The following MCC variants were observed in gnomAD, a reference collection of about 807,000 sequenced individuals.
MCC encodes the protein colorectal mutant cancer protein.
In MCC, 90 loss-of-function variants were observed where a neutral mutation model predicts 116.2. That is an observed-to-expected ratio of 0.77 (90% CI 0.65 to 0.92). The LOEUF is 0.92. MCC is among the 40% of genes least tolerant of loss of function. The pLI is 0.00. For synonymous variants in MCC, 578 were observed against 510.5 expected (o/e 1.13, Z -1.78); for missense variants, 1,516 against 1,312.2 (o/e 1.16, Z -2.40).
At position 113,105,414 on chromosome 5, in the gene MCC, A is replaced by G. The variant is rs761689802; in HGVS notation, c.1028-1059T>C. 9.8e-5 allele frequency among the ~76,000 whole-genome samples: 15 copies of G among 152,324 alleles called. No individual in the cohort carries two copies. The Middle Eastern group carries it at 0.014, about 138-fold the overall frequency. ...TTCTCAGAATGTTTTAGTCAACCTC[A>G]TCTGGTTGCCTCTATTTGTAAATTA... is the stretch of plus-strand genomic sequence containing the variant. On this transcript the variant is annotated intron_variant, in intron 6 of 18. Coordinates refer to ENST00000408903, the MANE Select transcript of MCC (RefSeq NM_001085377.2).
chr5:113,196,054 G>C (rs569722231), intron 3 of MCC, among the ~76,000 whole-genome samples: 2 of 152,344 alleles, frequency 1.3e-5, no homozygotes, highest in Non-Finnish European at 2.9e-5. Flanking sequence ...GGCAGCAGTA[G>C]ACTTCATTCT....
At chr5:113,473,611 T>C (rs1772154299) in intron 1 of MCC, among the ~76,000 whole-genome samples, 1 of 152,158 alleles carries the variant, frequency 6.6e-6, no homozygotes, top group Non-Finnish European at 1.5e-5. Context: ...ACAACTATAA[T>C]ACAAAATTAT....
intron 1 of MCC, among the ~76,000 whole-genome samples, chr5:113,420,453 C>T (rs1032019142): frequency 3.9e-5 from 6 of 152,116 alleles, no homozygotes; most frequent in Non-Finnish European, 5.9e-5. Flanking sequence ...TTTTAGTTTA[C>T]TTCAAGGGAT....
chr5:113,046,710 A>AAAAAAAAAAAAAAAG lies in MCC; in HGVS notation c.2655+2382_2655+2383insCTTTTTTTTTTTTTT. On this transcript the variant is annotated intron_variant, in intron 16 of 18. Coordinates refer to ENST00000408903, the MANE Select transcript of MCC (RefSeq NM_001085377.2). Reference sequence around the variant, plus strand: ...CAAAAAAAAAAAAAAAAAAAAAAAAAAGAGAGAGATTTTGAAGGTGTTTGT... The same window carrying AAAAAAAAAAAAAAAG: ...CAAAAAAAAAAAAAAAAAAAAAAAAAAAAAAAAAAAAAAAGAGAGAGAGATTTTGAAGGTGTTTGT... Among the ~76,000 whole-genome samples the AAAAAAAAAAAAAAAG allele has an allele frequency of 8.3e-3, 845 of 102,422 alleles. 152 individuals are homozygous for AAAAAAAAAAAAAAAG. Among genetic ancestry groups the AAAAAAAAAAAAAAAG allele is most frequent in the Non-Finnish European group, 0.011 (549 of 51,326 alleles). The allele number at this position is 102,422 out of a possible 152,430, so 67.2% of individuals were successfully genotyped here. A position where few individuals can be genotyped will look rare whatever the true frequency, so the allele number is the denominator to read the frequency against.
At chr5:113,183,007 G>T (rs1761709568) in intron 3 of MCC, among the ~76,000 whole-genome samples, 1 of 152,206 alleles carries the variant, frequency 6.6e-6, no homozygotes, top group South Asian at 2.1e-4. Context: ...CTAAGTTTGG[G>T]AGAAGGATTT....
chr5:113,062,789 C>T (rs1399268675), intron 14 of MCC, among the ~76,000 whole-genome samples: 2 of 152,208 alleles, frequency 1.3e-5, no homozygotes, highest in African/African-American at 4.8e-5. Flanking sequence ...GGCATGTTCC[C>T]TCTCCTGGGA....
At chr5:113,332,941 C>T (rs1481157919) in intron 3 of MCC, among the ~76,000 whole-genome samples, 1 of 151,646 alleles carries the variant, frequency 6.6e-6, no homozygotes, top group Non-Finnish European at 1.5e-5. Context: ...TCTGAAAACT[C>T]TTCTTAAGAA....
At chr5:113,074,248 T>C (rs955623701) in intron 11 of MCC, among the ~76,000 whole-genome samples, 12 of 152,356 alleles carry the variant, frequency 7.9e-5, no homozygotes, top group African/African-American at 2.4e-4. Flanking sequence ...CAGCCTCCGC[T>C]GGTGATACCC....
At chr5:113,281,570 T>C (rs1766048905) in intron 3 of MCC, among the ~76,000 whole-genome samples, 2 of 152,132 alleles carry the variant, frequency 1.3e-5, no homozygotes, top group Admixed American at 6.6e-5. Flanking sequence ...GGGACAAAAT[T>C]AGGGCAAAAG....
intron 2 of MCC, among the ~76,000 whole-genome samples, chr5:113,357,610 G>A (rs922989244): frequency 6.6e-6 from 1 of 152,206 alleles, no homozygotes; most frequent in Non-Finnish European, 1.5e-5. Flanking sequence ...GCAGCTTCCC[G>A]ATAAGATCTC....
intron 3 of MCC, among the ~76,000 whole-genome samples, chr5:113,198,782 G>A (rs1762547409): frequency 6.6e-6 from 1 of 151,956 alleles, no homozygotes; most frequent in Non-Finnish European, 1.5e-5. Context: ...CAAACAGCTG[G>A]CACAAGATTC....
At chr5:113,119,543 G>A (rs577928301) in intron 6 of MCC, among the ~76,000 whole-genome samples, 3 of 152,312 alleles carry the variant, frequency 2.0e-5, no homozygotes, top group East Asian at 1.9e-4. Context: ...CCAAGGAGGC[G>A]GCCAGAAGCA....
chr5:113,064,031 G>C lies in MCC; in HGVS notation c.2166C>G (p.Gly722=). Reference sequence around the variant, plus strand: ...GGCTCTCCCAGGGCTGCACGCTGCAGCCGGCCACGGCAAAGGCTCCCCCAC... The same window carrying C: ...GGCTCTCCCAGGGCTGCACGCTGCACCCGGCCACGGCAAAGGCTCCCCCAC... ...GSCGGAFAVA[G]CSVQPWESLS... Residue 722 remains glycine (G), a synonymous_variant, in exon 14 of 19, where the codon GGC becomes GGG. Coordinates refer to ENST00000408903, the MANE Select transcript of MCC (RefSeq NM_001085377.2). The C allele has an allele frequency of 6.2e-6, 10 of 1,614,030 alleles. No homozygotes were observed. Among genetic ancestry groups the C allele is most frequent in the Non-Finnish European group, 8.5e-6 (10 of 1,180,012 alleles).
At chr5:113,251,616 C>T (rs934013671) in intron 3 of MCC, among the ~76,000 whole-genome samples, 2 of 152,172 alleles carry the variant, frequency 1.3e-5, no homozygotes, top group African/African-American at 4.8e-5. Context: ...TACCCCATTA[C>T]CACAGTGAGG....
intron 11 of MCC, among the ~76,000 whole-genome samples, chr5:113,074,759 G>A (rs990825349): frequency 6.6e-6 from 1 of 152,242 alleles, no homozygotes; most frequent in African/African-American, 2.4e-5. Flanking sequence ...TTCAGTAGCT[G>A]ATTTGATCAA....
chr5:113,397,620 A>G (rs1769560004), intron 1 of MCC, among the ~76,000 whole-genome samples: 1 of 152,210 alleles, frequency 6.6e-6, no homozygotes, highest in Non-Finnish European at 1.5e-5. Context: ...TGATGCTGAG[A>G]TAAGTGGCTA....
At chr5:113,294,416 C>A (rs777915663) in intron 3 of MCC, 1 of 1,613,502 alleles carries the variant, frequency 6.2e-7, no homozygotes, top group Admixed American at 1.7e-5. Context: ...GCTCTCAGTC[C>A]CCCAGGTCTC....
At chr5:113,240,105 G>A (rs1764309619) in intron 3 of MCC, among the ~76,000 whole-genome samples, 1 of 152,160 alleles carries the variant, frequency 6.6e-6, no homozygotes, top group Non-Finnish European at 1.5e-5. Context: ...GGAATGGAGG[G>A]TGGTAGAAAG....
chr5:113,237,083 T>C (rs1344189640), intron 3 of MCC, among the ~76,000 whole-genome samples: 1 of 152,244 alleles, frequency 6.6e-6, no homozygotes, highest in East Asian at 1.9e-4. Context: ...GCTAATTGAC[T>C]GAACTTGCCT....
Sources: gnomAD v4.1 joint callset for allele counts (sites outside exome capture counted in the v4.1 genomes callset) on GRCh38, gnomAD v4.1.1 for gene constraint, MANE v1.5 for transcripts, NCBI Gene and HGNC (gene_info 2026-07-23, HGNC 2026-07-21) for gene names.